Variants in CCDC7 observed in about 807,000 individuals in gnomAD.
The protein encoded by CCDC7 is coiled-coil domain containing 7, also known as coiled-coil domain-containing protein 7.
CCDC7 carries 183 observed loss-of-function variants against 196.9 expected under a neutral mutation model. The observed-to-expected ratio is 0.93, with a 90% CI of 0.82 to 1.05. The LOEUF (loss-of-function observed/expected upper bound fraction) is 1.05, where lower values mean the gene tolerates loss of function less well. Ranked by LOEUF, CCDC7 falls within the 50% of genes least tolerant of loss-of-function variation. The pLI is 0.00. For synonymous variants in CCDC7, 525 were observed against 484.6 expected, an observed-to-expected ratio of 1.08 and a Z score of -1.10; for missense variants, 1,540 against 1,482.2, an observed-to-expected ratio of 1.04 and a Z score of -0.64.
chr10:32,495,766 C>T lies in CCDC7; in HGVS notation c.872+3769C>T, dbSNP rs184278502. ...ATTGGTCTATATATCTGTTTTGGTA[C>T]CAGTACCATGCTGTTTTGGTTACTG... On this transcript the variant is annotated intron_variant, in intron 9 of 41. Transcript: ENST00000639629. Among the ~76,000 whole-genome samples, 296 of 152,234 alleles carry T rather than the reference C, an allele frequency of 1.9e-3. 3 individuals are homozygous for T. The highest frequency in any genetic ancestry group is 6.8e-3 in the African/African-American group (283 of 41,544).
intron 24 of CCDC7, among the ~76,000 whole-genome samples, chr10:32,698,666 A>G (rs2078129766): frequency 6.6e-6 from 1 of 152,194 alleles, no homozygotes; most frequent in African/African-American, 2.4e-5. Context: ...AAAGAGTAAA[A>G]AGAAATGAAC....
chr10:32,638,537 G>A (rs1030143822), intron 20 of CCDC7, among the ~76,000 whole-genome samples: 8 of 152,184 alleles, frequency 5.3e-5, no homozygotes, highest in African/African-American at 1.7e-4. Flanking sequence ...TACATTTATT[G>A]ATTTGTGTAT....
At chr10:32,559,780 G>A (rs905494292) in intron 13 of CCDC7, among the ~76,000 whole-genome samples, 10 of 152,182 alleles carry the variant, frequency 6.6e-5, no homozygotes, top group Non-Finnish European at 7.3e-5. Context: ...CTCCTCCAAA[G>A]GAACGCAGTT....
At chr10:32,779,157 G>T in intron 29 of CCDC7, 73 bp downstream of exon 30, 1 of 1,134,698 alleles carries the variant, frequency 8.8e-7, no homozygotes, top group Non-Finnish European at 1.2e-6. Flanking sequence ...GTATAGTTCT[G>T]TTAAAAAACA....
At chr10:32,452,552 G>A (rs1457039134) in intron 1 of CCDC7, among the ~76,000 whole-genome samples, 1 of 152,240 alleles carries the variant, frequency 6.6e-6, no homozygotes, top group Non-Finnish European at 1.5e-5. Context: ...CTGCCTCCAG[G>A]TTTCAAGCAA....
chr10:32,864,182 C>T (rs1395823099), intron 41 of CCDC7, among the ~76,000 whole-genome samples: 1 of 151,536 alleles, frequency 6.6e-6, no homozygotes, highest in Non-Finnish European at 1.5e-5. Context: ...CAAATCAAAA[C>T]TACAATGAGA....
At chr10:32,571,304 C>T (rs191336992) in intron 15 of CCDC7, among the ~76,000 whole-genome samples, 4 of 152,144 alleles carry the variant, frequency 2.6e-5, no homozygotes, top group South Asian at 4.2e-4. Context: ...CCACCTTGCC[C>T]GGCTGGCCTA....
intron 24 of CCDC7, among the ~76,000 whole-genome samples, chr10:32,702,449 CA>C (rs1308454045): frequency 2.0e-5 from 3 of 152,076 alleles, no homozygotes; most frequent in Non-Finnish European, 4.4e-5. Flanking sequence ...ACTATGTGGT[CA>C]ATTTTCGAAT....
chr10:32,771,685 G>A (rs1388352990), intron 28 of CCDC7, among the ~76,000 whole-genome samples: 1 of 152,190 alleles, frequency 6.6e-6, no homozygotes, highest in Non-Finnish European at 1.5e-5. Flanking sequence ...GGGGGTGGCA[G>A]GAGAGTCACA....
chr10:32,804,938 C>A, intron 29 of CCDC7, 77 bp from the exon 31 acceptor site: 1 of 825,488 alleles, frequency 1.2e-6, no homozygotes, highest in South Asian at 1.5e-5. Context: ...AATACACACA[C>A]ACACACACAC....
chr10:32,497,833 T>C (rs2043155406), intron 9 of CCDC7, among the ~76,000 whole-genome samples: 1 of 152,232 alleles, frequency 6.6e-6, no homozygotes, highest in South Asian at 2.1e-4. Context: ...AATTTTAGAA[T>C]AAGTGCAATG....
At chr10:32,830,158 C>T (rs1451496782) in intron 32 of CCDC7, among the ~76,000 whole-genome samples, 1 of 36,512 alleles carries the variant, frequency 2.7e-5, no homozygotes, top group African/African-American at 6.5e-5. Context: ...AGTTCTTTCC[C>T]TCTAGAGAAC....
chr10:32,740,544 A>G (rs1333394715), intron 28 of CCDC7, among the ~76,000 whole-genome samples: 2 of 152,178 alleles, frequency 1.3e-5, no homozygotes, highest in African/African-American at 4.8e-5. Context: ...GGACTTGACT[A>G]TGTGCAGATT....
chr10:32,875,130 T>C (rs2094561658), intron 41 of CCDC7, among the ~76,000 whole-genome samples: 1 of 152,068 alleles, frequency 6.6e-6, no homozygotes, highest in Admixed American at 6.6e-5. Context: ...TTGGGTTCTC[T>C]ATTCTGTTCC....
intron 18 of CCDC7, among the ~76,000 whole-genome samples, chr10:32,622,839 T>C (rs562233322): frequency 1.3e-5 from 2 of 152,266 alleles, no homozygotes; most frequent in African/African-American, 4.8e-5. Context: ...GGGTTAGCAA[T>C]AATTATTTCT....
intron 18 of CCDC7, among the ~76,000 whole-genome samples, chr10:32,630,712 A>G (rs1047336223): frequency 6.6e-6 from 1 of 152,212 alleles, no homozygotes; most frequent in South Asian, 2.1e-4. Context: ...CAGAATAAAC[A>G]TATTTCTCAG....
Position 32,733,797 on chromosome 10 carries a change from A to G in CCDC7, c.2905+4340A>G, listed in dbSNP as rs2084386392. 2.0e-5 allele frequency among the ~76,000 whole-genome samples: 3 copies of G among 152,300 alleles called. No homozygotes were observed. The South Asian group carries it at 6.2e-4, about 32-fold the overall frequency. On this transcript the variant is annotated intron_variant, in intron 28 of 41. Transcript: ENST00000639629. ...ATATTTATTTATTGTGTGCAAATTT[A>G]TACTTTTTATCTGGTAAATGGAGAC...
rs2080147201 is a variant in CCDC7, at chr10:32,776,888, C to CT, written c.2906-2088dup. On this transcript the variant is annotated intron_variant, in intron 28 of 41. Transcript: ENST00000639629. ...GTTAGGGTTTTTTTGTTGTTTTTTA[C>CT]TATGTGTACTTTTTTTTTACTTTTT... Among the ~76,000 whole-genome samples the CT allele has an allele frequency of 7.2e-5, 11 of 151,896 alleles. 1 individual carries two copies. In the South Asian group the frequency reaches 2.1e-3, roughly 29 times the overall value.
At chr10:32,676,016 G>C (rs901595353) in intron 21 of CCDC7, among the ~76,000 whole-genome samples, 1 of 151,608 alleles carries the variant, frequency 6.6e-6, no homozygotes, top group Non-Finnish European at 1.5e-5. Context: ...AAAAGAGCAT[G>C]GTACTGGTAC....
Sources: allele counts gnomAD v4.1 joint callset (sites outside exome capture counted in the v4.1 genomes callset), GRCh38; gene constraint gnomAD v4.1.1; transcripts MANE v1.5; gene names NCBI Gene and HGNC (gene_info 2026-07-23, HGNC 2026-07-21).